Variants in USP50 observed in about 807,000 individuals in gnomAD.
USP50 encodes the protein ubiquitin carboxyl-terminal hydrolase 50.
Under a neutral mutation model 39.2 loss-of-function variants are expected in USP50, and 37 were observed. That is an observed-to-expected ratio of 0.94 (90% CI 0.73 to 1.24). USP50 has a LOEUF of 1.24. Ranked by LOEUF, USP50 falls within the 50% of genes most tolerant of loss-of-function variation. The pLI is 0.00. For missense variants in USP50, 374 were observed against 398.2 expected (o/e 0.94, Z 0.52); for synonymous variants, 139 against 144.5 (o/e 0.96, Z 0.27).
intron 6 of USP50, among the ~76,000 whole-genome samples, chr15:50,519,074 G>T (rs1047445161): frequency 3.3e-5 from 5 of 151,376 alleles, no homozygotes; most frequent in Non-Finnish European, 7.4e-5. Flanking sequence ...ATCACTTGAG[G>T]TCAGAAGTTT....
intron 6 of USP50, among the ~76,000 whole-genome samples, chr15:50,525,608 A>ATATATG (rs2052886641): frequency 3.1e-5 from 4 of 129,576 alleles, no homozygotes; most frequent in African/African-American, 6.3e-5. Flanking sequence ...ATGTATATGT[A>ATATATG]TATATGTATA....
At chr15:50,509,478 T>A (rs1770956694) in intron 6 of USP50, 1 of 152,048 alleles carries the variant, frequency 6.6e-6, no homozygotes, top group Non-Finnish European at 1.5e-5. Flanking sequence ...AAACACCGTC[T>A]CTACTAAAAA....
chr15:50,530,066 G>A, intron 5 of USP50, 137 bp from the exon 6 acceptor site: 1 of 1,242,882 alleles, frequency 8.0e-7, no homozygotes, highest in Non-Finnish European at 1.1e-6. Context: ...CACAACTTTG[G>A]GAGGCCAAGG....
intron 6 of USP50, among the ~76,000 whole-genome samples, chr15:50,525,687 ATATG>A (rs1180720943): frequency 4.8e-4 from 58 of 120,780 alleles, no homozygotes; most frequent in Middle Eastern, 4.5e-3. Flanking sequence ...TGTATATTAT[ATATG>A]TATATGTATA....
At chr15:50,496,903 C>CT (rs1382787758), downstream of USP50, 1 of 661,782 alleles carries the variant, frequency 1.5e-6, no homozygotes, top group African/African-American at 1.9e-5. Context: ...TCACCACACT[C>CT]TGTGCTGTCA....
chr15:50,537,235 G>A (rs3105595), intron 5 of USP50, among the ~76,000 whole-genome samples: 27,486 of 144,316 alleles, frequency 0.19, 3,227 homozygotes, highest in East Asian at 0.47. Flanking sequence ...GGATATCCAC[G>A]CGAAAAAAAA....
chr15:50,495,960 C>G (rs1022495273), downstream of USP50: 1 of 1,613,844 alleles, frequency 6.2e-7, no homozygotes, highest in Non-Finnish European at 8.5e-7. Context: ...ATTATTGTTG[C>G]ACTTTTTCAG....
chr15:50,531,224 A>G (rs2052938119), intron 5 of USP50, among the ~76,000 whole-genome samples: 1 of 152,194 alleles, frequency 6.6e-6, no homozygotes, highest in Admixed American at 6.5e-5. Flanking sequence ...GTATCATCCC[A>G]AGAGAAATGA....
intron 6 of USP50, among the ~76,000 whole-genome samples, chr15:50,518,346 G>A (rs2052819976): frequency 6.6e-6 from 1 of 150,672 alleles, no homozygotes; most frequent in Non-Finnish European, 1.5e-5. Context: ...TCAGCCTCCT[G>A]AGTAGCTGGG....
chr15:50,523,447 A>G (rs1006454282), intron 6 of USP50, among the ~76,000 whole-genome samples: 5 of 152,182 alleles, frequency 3.3e-5, no homozygotes, highest in Non-Finnish European at 7.4e-5. Context: ...CGCTGGGATT[A>G]CAGGTATAAG....
downstream of USP50, chr15:50,497,133 C>T: frequency 6.2e-7 from 1 of 1,608,278 alleles, no homozygotes; most frequent in Non-Finnish European, 8.5e-7. Flanking sequence ...TCACAGATAA[C>T]AACAGATTTT....
rs115914158 is a variant in USP50 at position 50,546,593 on chromosome 15, C to A, written c.-68G>T. 3.7e-4 allele frequency: 589 copies of A among 1,572,742 alleles called. 1 individual carries two copies. In the African/African-American group the frequency reaches 6.6e-3, roughly 18 times the overall value. ...ACATCTATTCCTTTCAACTTCATTT[C>A]TCTGAGCCTGTTAACGCTGGCTTTT... is the stretch of plus-strand genomic sequence containing the variant. On this transcript the variant is annotated 5_prime_UTR_variant, in exon 1 of 7. Coordinates refer to ENST00000532404, the MANE Select transcript of USP50 (RefSeq NM_203494.5).
At chr15:50,537,195 C>G (rs1173572066) in intron 5 of USP50, among the ~76,000 whole-genome samples, 2 of 151,834 alleles carry the variant, frequency 1.3e-5, no homozygotes, top group African/African-American at 2.4e-5. Context: ...GAAAAGATGA[C>G]CTTTTTCAAC....
At chr15:50,538,003 G>C (rs200902756) in intron 5 of USP50, among the ~76,000 whole-genome samples, 4 of 146,892 alleles carry the variant, frequency 2.7e-5, no homozygotes, top group East Asian at 2.1e-4. Context: ...CTGGCCAGGC[G>C]TGGGGGCTCA....
chr15:50,493,331 G>T (rs1414152923), downstream of USP50: 3 of 520,490 alleles, frequency 5.8e-6, no homozygotes, highest in African/African-American at 3.8e-5. Flanking sequence ...AAGCATTTTG[G>T]TGTAGGGCTA....
intron 6 of USP50, among the ~76,000 whole-genome samples, chr15:50,521,487 T>C (rs562328665): frequency 1.4e-4 from 22 of 152,176 alleles, no homozygotes; most frequent in African/African-American, 5.3e-4. Flanking sequence ...CCCAAGGCAC[T>C]AGAGAAAGAA....
chr15:50,517,266 T>G (rs764099496), intron 6 of USP50, among the ~76,000 whole-genome samples: 15 of 151,242 alleles, frequency 9.9e-5, no homozygotes, highest in Non-Finnish European at 2.2e-4. Context: ...AGGTCAGAAG[T>G]TCAAGACCAG....
intron 5 of USP50, among the ~76,000 whole-genome samples, chr15:50,534,404 A>G (rs1249466961): frequency 6.6e-6 from 1 of 152,246 alleles, no homozygotes; most frequent in East Asian, 1.9e-4. Context: ...TAAGATGCTC[A>G]GTAAAACCAC....
chr15:50,525,554 G>GTATA (rs1566907525), intron 6 of USP50, among the ~76,000 whole-genome samples: 20,184 of 72,090 alleles, frequency 0.28, 1,909 homozygotes, highest in Admixed American at 0.35. Context: ...ATGTATATAT[G>GTATA]TGTATATATG....
Sources: gnomAD v4.1 joint callset for allele counts (sites outside exome capture counted in the v4.1 genomes callset) on GRCh38, gnomAD v4.1.1 for gene constraint, MANE v1.5 for transcripts, NCBI Gene and HGNC (gene_info 2026-07-23, HGNC 2026-07-21) for gene names.